OSBPL8: variants seen among roughly 807,000 people sequenced by gnomAD.
OSBPL8 encodes oxysterol binding protein like 8, also known as oxysterol-binding protein-related protein 8.
OSBPL8 carries 59 observed loss-of-function variants against 125.5 expected under a neutral mutation model. The ratio of observed to expected loss-of-function variants is 0.47; its 90% CI spans 0.38 to 0.58. The LOEUF is 0.58. Ranked by LOEUF, OSBPL8 falls within the 20% of genes least tolerant of loss-of-function variation. The pLI is 0.00. For synonymous variants in OSBPL8, 330 were observed against 338.9 expected (o/e 0.97, Z 0.29); for missense variants, 758 against 1,047.8 (o/e 0.72, Z 3.82).
In OSBPL8 at chr12:76,390,617, G is replaced by T. The variant is rs1953517671; in HGVS notation, c.970C>A (p.Gln324Lys). ...TCAGATTTATCAGAATACATATCTT[G>T]GTCCTTAAAATGTTGTCGTTCAATT... ...SEIERQHFKD[Q>K]DMYSDKSDKE... The change falls in exon 11 of 24, where the codon CAA becomes AAA. Residue 324 changes from glutamine to lysine, a missense_variant. By Grantham distance (53) the Gln-to-Lys change is moderately conservative (BLOSUM62 1). This residue lies in a region of OSBPL8 where 572 missense variants were observed against 762.0 expected (regional missense o/e 0.75). Transcript: ENST00000261183. The T allele has an allele frequency of 6.2e-7, 1 of 1,612,870 alleles. No homozygotes were observed. The highest frequency in any genetic ancestry group is 8.5e-7 in the Non-Finnish European group (1 of 1,179,502).
chr12:76,474,159 T>A (rs1230576947), intron 2 of OSBPL8, among the ~76,000 whole-genome samples: 1 of 152,150 alleles, frequency 6.6e-6, no homozygotes, highest in Admixed American at 6.5e-5. Flanking sequence ...CTGAACCCAA[T>A]AAATGTTTAA....
intron 1 of OSBPL8, among the ~76,000 whole-genome samples, chr12:76,508,237 C>A (rs1880618135): frequency 6.6e-6 from 1 of 151,920 alleles, no homozygotes; most frequent in Non-Finnish European, 1.5e-5. Flanking sequence ...CTTAATTTCA[C>A]TCTGCAATTT....
chr12:76,369,951 T>C (rs4319553), intron 19 of OSBPL8, 129 bp from the exon 20 acceptor site: 841,739 of 846,668 alleles, frequency 0.99, 418,595 homozygotes, highest in East Asian at 1. Flanking sequence ...ACAACACTTA[T>C]GCTCATAGGC....
chr12:76,546,267 T>A (rs1288394031), intron 1 of OSBPL8, among the ~76,000 whole-genome samples: 2 of 152,164 alleles, frequency 1.3e-5, no homozygotes. Flanking sequence ...AATAACCAAA[T>A]AAACAAAATC....
chr12:76,548,258 T>C (rs1232913826), intron 1 of OSBPL8, among the ~76,000 whole-genome samples: 1 of 152,116 alleles, frequency 6.6e-6, no homozygotes, highest in Non-Finnish European at 1.5e-5. Flanking sequence ...TGAAAGTATA[T>C]GTGAGATTGA....
intron 2 of OSBPL8, among the ~76,000 whole-genome samples, chr12:76,471,328 C>G (rs1876111790): frequency 6.6e-6 from 1 of 152,182 alleles, no homozygotes; most frequent in African/African-American, 2.4e-5. Flanking sequence ...TGCCCCTGCT[C>G]TTCTTCCTAT....
chr12:76,377,572 GAA>G (rs775176601), intron 16 of OSBPL8, among the ~76,000 whole-genome samples: 8 of 151,986 alleles, frequency 5.3e-5, no homozygotes, highest in Non-Finnish European at 1.0e-4. Flanking sequence ...GTCTTCTTTT[GAA>G]AAGTGTCTGT....
intron 4 of OSBPL8, among the ~76,000 whole-genome samples, chr12:76,418,355 T>C (rs1278494590): frequency 6.6e-6 from 1 of 152,126 alleles, no homozygotes; most frequent in Non-Finnish European, 1.5e-5. Context: ...CTGTCTCTTG[T>C]TTAACTTACA....
At chr12:76,356,993 GA>G (rs57342420) in intron 22 of OSBPL8, among the ~76,000 whole-genome samples, 1,756 of 152,222 alleles carry the variant, frequency 0.012, 23 homozygotes, top group African/African-American at 0.036. Context: ...TAATTCATTA[GA>G]AATACATATT....
At chr12:76,385,611 G>A (rs1392392160) in intron 14 of OSBPL8, among the ~76,000 whole-genome samples, 1 of 152,080 alleles carries the variant, frequency 6.6e-6, no homozygotes, top group East Asian at 1.9e-4. Context: ...CTGCAGTCAT[G>A]TGCATCATGA....
intron 1 of OSBPL8, among the ~76,000 whole-genome samples, chr12:76,547,876 G>A (rs1394005749): frequency 6.6e-6 from 1 of 152,038 alleles, no homozygotes; most frequent in Non-Finnish European, 1.5e-5. Flanking sequence ...GACAACGAAA[G>A]GGGAAACAAA....
At chr12:76,445,328 A>C (rs1245257165) in intron 4 of OSBPL8, among the ~76,000 whole-genome samples, 2 of 152,204 alleles carry the variant, frequency 1.3e-5, no homozygotes, top group Non-Finnish European at 2.9e-5. Context: ...GAGTAGGCAA[A>C]ACTTTCTTTA....
chr12:76,363,783 A>C (rs909799637), intron 21 of OSBPL8, among the ~76,000 whole-genome samples: 1 of 152,214 alleles, frequency 6.6e-6, no homozygotes, highest in South Asian at 2.1e-4. Flanking sequence ...AATATCCAGA[A>C]TCTACAAGGA....
intron 1 of OSBPL8, among the ~76,000 whole-genome samples, chr12:76,557,611 TAA>T (rs35658174): frequency 0.11 from 14,924 of 136,392 alleles, 772 homozygotes; most frequent in Middle Eastern, 0.16. Flanking sequence ...GAGACAGTCT[TAA>T]AAAAAAAAAA....
At chr12:76,423,525 A>AT (rs1056220238) in intron 4 of OSBPL8, among the ~76,000 whole-genome samples, 10 of 152,040 alleles carry the variant, frequency 6.6e-5, no homozygotes, top group African/African-American at 9.7e-5. Flanking sequence ...CTTAAAAAAA[A>AT]TTTTTTTTAA....
chr12:76,530,563 C>T (rs145074775), intron 1 of OSBPL8, among the ~76,000 whole-genome samples: 3 of 152,086 alleles, frequency 2.0e-5, no homozygotes, highest in African/African-American at 7.2e-5. Flanking sequence ...TTTTCCAAGA[C>T]ACTTAACACC....
At chr12:76,504,693 A>T (rs1688409637) in intron 1 of OSBPL8, among the ~76,000 whole-genome samples, 1 of 152,266 alleles carries the variant, frequency 6.6e-6, no homozygotes, top group South Asian at 2.1e-4. Context: ...AAATTATGAT[A>T]GCCCTTTCCA....
rs182185086 is a variant in OSBPL8, at chr12:76,409,566, T to C, written c.288+998A>G. 6.4e-3 allele frequency among the ~76,000 whole-genome samples: 973 copies of C among 152,304 alleles called. 4 individuals carry two copies. Among genetic ancestry groups the C allele is most frequent in the Non-Finnish European group, 0.01 (700 of 68,014 alleles). ...TCTTTTGTTATGGGGATCTCAGCCA[T>C]GAACCTTGCAATGGGGAAAGAAATA... On this transcript the variant is annotated intron_variant, in intron 5 of 23. Transcript: ENST00000261183.
intron 16 of OSBPL8, among the ~76,000 whole-genome samples, chr12:76,376,851 G>A (rs578141659): frequency 2.0e-5 from 3 of 151,902 alleles, no homozygotes; most frequent in African/African-American, 4.8e-5. Context: ...AGGTATACAC[G>A]TGCCATGGTG....
Sources: allele counts gnomAD v4.1 joint callset (sites outside exome capture counted in the v4.1 genomes callset), GRCh38; gene constraint gnomAD v4.1.1; regional missense constraint gnomAD v4.1.1; transcripts MANE v1.5; gene names NCBI Gene and HGNC (gene_info 2026-07-23, HGNC 2026-07-21).